The following C11orf65 variants were observed in gnomAD, a reference collection of about 807,000 sequenced individuals.
C11orf65 encodes protein MFI.
In C11orf65, 38 loss-of-function variants were observed where a neutral mutation model predicts 35.3. That is an observed-to-expected ratio of 1.08 (90% CI 0.83 to 1.41). The LOEUF (loss-of-function observed/expected upper bound fraction) is 1.41, where lower values mean the gene tolerates loss of function less well. Among genes scored for constraint, C11orf65 ranks in the 40% most tolerant of loss-of-function variants. The pLI, the probability that C11orf65 is intolerant of heterozygous loss-of-function variation, is 0.00. For synonymous variants in C11orf65, 105 were observed against 114.4 expected (o/e 0.92, Z 0.53); for missense variants, 370 against 367.1 (o/e 1.01, Z -0.06).
intron 6 of C11orf65, chr11:108,316,205 C>A: frequency 1.7e-6 from 2 of 1,180,934 alleles, no homozygotes; most frequent in Non-Finnish European, 2.5e-6. Flanking sequence ...GCCAGATAAA[C>A]TCTAGAGATA....
At chr11:108,328,705 CAAG>C (rs1400414211), downstream of C11orf65, among the ~76,000 whole-genome samples, 14 of 152,116 alleles carry the variant, frequency 9.2e-5, no homozygotes, top group Admixed American at 7.2e-4. Context: ...GGCCACATTG[CAAG>C]AAGAATTGCC....
At chr11:108,464,003 T>G (rs548770687) in intron 1 of C11orf65, among the ~76,000 whole-genome samples, 23 of 150,116 alleles carry the variant, frequency 1.5e-4, no homozygotes, top group Non-Finnish European at 3.0e-4. Context: ...CTCAGCTCAC[T>G]GCAACCTCCA....
At chr11:108,453,836 T>G (rs1268963060) in intron 2 of C11orf65, among the ~76,000 whole-genome samples, 1 of 152,242 alleles carries the variant, frequency 6.6e-6, no homozygotes, top group Non-Finnish European at 1.5e-5. Context: ...TTCATCTATG[T>G]TCATCAGGGG....
chr11:108,329,167 C>T, downstream of C11orf65: 1 of 1,614,054 alleles, frequency 6.2e-7, no homozygotes, highest in African/African-American at 1.3e-5. Context: ...AATTTGAAAA[C>T]AAGCAAGCTC....
chr11:108,363,480 G>T (rs530844011), intron 2 of C11orf65, among the ~76,000 whole-genome samples: 1 of 152,268 alleles, frequency 6.6e-6, no homozygotes, highest in Non-Finnish European at 1.5e-5. Context: ...TTAGCCAAGA[G>T]CAGTTTTGTC....
chr11:108,385,861 G>A (rs2091983537), intron 8 of C11orf65, 59 bp downstream of exon 8: 6 of 1,338,480 alleles, frequency 4.5e-6, no homozygotes, highest in Non-Finnish European at 5.4e-6. Context: ...AAATACGTGT[G>A]TGGAATGTAT....
At chr11:108,375,064 C>T (rs534062671) in intron 2 of C11orf65, among the ~76,000 whole-genome samples, 1,872 of 152,278 alleles carry the variant, frequency 0.012, 46 homozygotes, top group African/African-American at 0.042. Flanking sequence ...AAACACTCTG[C>T]AGGATATTAT....
At chr11:108,446,934 G>C (rs536034147) in intron 2 of C11orf65, among the ~76,000 whole-genome samples, 1 of 152,134 alleles carries the variant, frequency 6.6e-6, no homozygotes, top group Non-Finnish European at 1.5e-5. Context: ...AAGGATGGAG[G>C]AAGATCTGCC....
At chr11:108,458,570 T>C (rs1438118030) in intron 2 of C11orf65, among the ~76,000 whole-genome samples, 2 of 152,054 alleles carry the variant, frequency 1.3e-5, no homozygotes, top group South Asian at 2.1e-4. Context: ...CCAGATATCA[T>C]TGGGTAAAAG....
At chr11:108,408,895 T>C (rs1314578164) in intron 3 of C11orf65, among the ~76,000 whole-genome samples, 2 of 151,948 alleles carry the variant, frequency 1.3e-5, no homozygotes, top group Admixed American at 1.3e-4. Context: ...ATTCAACCTA[T>C]AGAGTCTTAA....
At chr11:108,416,190 A>C (rs1384396489) in intron 3 of C11orf65, among the ~76,000 whole-genome samples, 1 of 152,324 alleles carries the variant, frequency 6.6e-6, no homozygotes, top group East Asian at 1.9e-4. Context: ...ATACTTGCAA[A>C]ACACATATCT....
chr11:108,333,679 C>A (rs1184140672), intron 3 of C11orf65, among the ~76,000 whole-genome samples: 2 of 152,176 alleles, frequency 1.3e-5, no homozygotes, highest in African/African-American at 4.8e-5. Context: ...AGGTAACCTG[C>A]AAATTTACTT....
chr11:108,354,060 CACACACACAA>C (rs1306875559), intron 2 of C11orf65, among the ~76,000 whole-genome samples: 186 of 105,356 alleles, frequency 1.8e-3, no homozygotes, highest in Non-Finnish European at 2.5e-3. Flanking sequence ...TAAAAAAATA[CACACACACAA>C]ACACACACAC....
intron 2 of C11orf65, among the ~76,000 whole-genome samples, chr11:108,363,422 T>C (rs188646937): frequency 6.6e-6 from 1 of 152,324 alleles, no homozygotes; most frequent in East Asian, 1.9e-4. Flanking sequence ...TCTAAGATTT[T>C]ATGTGTTATG....
chr11:108,466,214 T>C (rs948000088), intron 1 of C11orf65, among the ~76,000 whole-genome samples: 1 of 152,180 alleles, frequency 6.6e-6, no homozygotes. Context: ...CGACTTTATA[T>C]GGTTATTATG....
intron 3 of C11orf65, among the ~76,000 whole-genome samples, chr11:108,422,971 A>C (rs1369204314): frequency 6.6e-6 from 1 of 152,150 alleles, no homozygotes; most frequent in Non-Finnish European, 1.5e-5. Context: ...AATGCAAATC[A>C]ATAAATCTTG....
At chr11:108,322,607 A>G (rs1312139907) in intron 6 of C11orf65, among the ~76,000 whole-genome samples, 2 of 152,238 alleles carry the variant, frequency 1.3e-5, no homozygotes, top group Non-Finnish European at 2.9e-5. Context: ...ATGAAATAGT[A>G]TAGTTACTCA....
At chr11:108,437,707 TAA>T (rs145337876) in intron 2 of C11orf65, among the ~76,000 whole-genome samples, 221 of 37,990 alleles carry the variant, frequency 5.8e-3, no homozygotes, top group South Asian at 0.02. Flanking sequence ...GACTCAGTCT[TAA>T]AAAAAAAAAA....
intron 7 of C11orf65, among the ~76,000 whole-genome samples, 183 bp downstream of exon 7, chr11:108,393,025 G>A (rs913164687): frequency 1.3e-5 from 2 of 151,818 alleles, no homozygotes; most frequent in Non-Finnish European, 2.9e-5. Context: ...TACTATTTTT[G>A]GATCATTCAT....
Sources: gnomAD v4.1 joint callset for allele counts (sites outside exome capture counted in the v4.1 genomes callset) on GRCh38, gnomAD v4.1.1 for gene constraint, MANE v1.5 for transcripts, NCBI Gene and HGNC (gene_info 2026-07-23, HGNC 2026-07-21) for gene names.